Variants in ZDHHC18 observed in about 807,000 individuals in gnomAD.
ZDHHC18 encodes zDHHC palmitoyltransferase 18.
Under a neutral mutation model 37.5 loss-of-function variants are expected in ZDHHC18, and 23 were observed. That is an observed-to-expected ratio of 0.61 (90% confidence interval 0.44 to 0.87). The LOEUF (loss-of-function observed/expected upper bound fraction) is 0.87, where lower values mean the gene tolerates loss of function less well. Ranked by LOEUF, ZDHHC18 falls within the 40% of genes least tolerant of loss-of-function variation. The pLI, the probability that ZDHHC18 is intolerant of heterozygous loss-of-function variation, is 0.00. For synonymous variants in ZDHHC18, 185 were observed against 218.7 expected (o/e 0.85, Z 1.36); for missense variants, 406 against 525.6 (o/e 0.77, Z 2.22).
rs2081593095 is a variant in ZDHHC18 at position 26,832,552 on chromosome 1, T to C, written c.441T>C (p.Pro147=). Residue 147 remains proline (P), a synonymous_variant, in exon 2 of 8, where the codon CCT becomes CCC. Coordinates refer to ENST00000374142, the MANE Select transcript of ZDHHC18 (RefSeq NM_032283.3). ...TGCTGCAGACAAGCTTCACCGACCC[T>C]GGGATCCTGCCCCGGGCCACTGTCT... The part of the protein sequence containing the change: ...SCLLQTSFTD[P]GILPRATVCE... 6.2e-7 allele frequency: 1 copy of C among 1,614,192 alleles called. No homozygotes were observed. The highest frequency in any genetic ancestry group is 8.5e-7 in the Non-Finnish European group (1 of 1,180,020).
chr1:26,839,536 C>G (rs1470468136), intron 2 of ZDHHC18, among the ~76,000 whole-genome samples: 1 of 152,182 alleles, frequency 6.6e-6, no homozygotes, highest in Non-Finnish European at 1.5e-5. Flanking sequence ...AAAGAGTGAA[C>G]AAATGAGTGC....
chr1:26,847,548 A>G (rs1001197426), intron 2 of ZDHHC18, among the ~76,000 whole-genome samples: 2 of 152,180 alleles, frequency 1.3e-5, no homozygotes, highest in African/African-American at 4.8e-5. Context: ...AGATTTCCAC[A>G]GTTGCCCTCC....
At chr1:26,848,463 C>T (rs1358443024) in intron 2 of ZDHHC18, 145 bp from the exon 3 acceptor site, 1 of 1,085,724 alleles carries the variant, frequency 9.2e-7, no homozygotes, top group Non-Finnish European at 1.4e-6. Flanking sequence ...TTAGGCCAGA[C>T]ATTTTACTCC....
chr1:26,849,336 CA>C (rs1210650905), intron 3 of ZDHHC18, among the ~76,000 whole-genome samples: 3 of 152,130 alleles, frequency 2.0e-5, no homozygotes, highest in Non-Finnish European at 4.4e-5. Context: ...TTCTGATGGG[CA>C]CCCTGAGAGG....
At chr1:26,827,562 C>T (rs540342511) in intron 1 of ZDHHC18, among the ~76,000 whole-genome samples, 1 of 152,180 alleles carries the variant, frequency 6.6e-6, no homozygotes, top group Admixed American at 6.5e-5. Context: ...TGCCAACCCC[C>T]CAAGTTCTTT....
intron 6 of ZDHHC18, among the ~76,000 whole-genome samples, chr1:26,852,123 T>C (rs1283465820): frequency 1.3e-5 from 2 of 152,194 alleles, no homozygotes; most frequent in African/African-American, 4.8e-5. Context: ...CATCAGCCAG[T>C]ATCTCCCGCA....
Position 26,851,244 on chromosome 1 carries a change from G to A in ZDHHC18, c.936+13G>A, listed in dbSNP as rs1429119220. On this transcript the variant is annotated intron_variant, in intron 6 of 7. Transcript: ENST00000374142. Reference sequence around the variant, plus strand: ...TACTAATGAAGACGTGAGTAAACCTGGAGCCACCCCTCATTCTAGGGCAGC... The same window carrying A: ...TACTAATGAAGACGTGAGTAAACCTAGAGCCACCCCTCATTCTAGGGCAGC... 4 of 1,612,698 alleles carry A rather than the reference G, an allele frequency of 2.5e-6. No individual in the cohort carries two copies. The African/African-American group carries it at 5.3e-5, about 22-fold the overall frequency.
In ZDHHC18 at chr1:26,850,269, A is replaced by T; in HGVS notation, c.647-32A>T. On this transcript the variant is annotated intron_variant, in intron 3 of 7. Coordinates refer to ENST00000374142, the MANE Select transcript of ZDHHC18 (RefSeq NM_032283.3). This position sits in a 1 kb window ranked among gnomAD's most constrained non-coding sequence, Gnocchi z 6.1. ...GCCTGTGCTGGCTGCAGGCCAGCCC[A>T]CACTAACCCATCGCCCCTTGCCCTT... 6.2e-7 allele frequency: 1 copy of T among 1,610,354 alleles called. No individual in the cohort carries two copies. The highest frequency in any genetic ancestry group is 8.5e-7 in the Non-Finnish European group (1 of 1,178,394).
Position 26,852,814 on chromosome 1 carries a change from A to G in ZDHHC18, c.998A>G (p.Lys333Arg), listed in dbSNP as rs1345315293. Residue 333 changes from lysine (K) to arginine (R), a missense_variant, in exon 7 of 8, where the codon AAA (lysine) becomes AGA (arginine). Physicochemically the swap from Lys to Arg is conservative, Grantham distance 26. Transcript: ENST00000374142. ...GEASVNPYSH[K>R]SIITNCCAVL... is the part of the protein sequence containing the mutation. ...GCCTCTGTCAACCCCTACAGCCATA[A>G]AAGTATTATCACCAACTGCTGTGCT... The G allele has an allele frequency of 5.0e-6, 8 of 1,613,954 alleles. No homozygotes were observed. The African/African-American group carries it at 9.3e-5, about 19-fold the overall frequency.
In ZDHHC18 at chr1:26,827,143, A is replaced by G; in HGVS notation, c.335+4A>G. ...CCGGCCTCTTCTTCGTCTTTGAGTG[A>G]GTTCCGCTGCCTCGGCGCCCCCTCC... On this transcript the variant is annotated splice_donor_region_variant and intron_variant, in intron 1 of 7. Transcript: ENST00000374142. 1 of 1,401,664 alleles carries G rather than the reference A, an allele frequency of 7.1e-7. No homozygotes were observed. Among genetic ancestry groups the G allele is most frequent in the South Asian group, 1.5e-5 (1 of 65,958 alleles). The allele number at this position is 1,401,664 out of a possible 1,614,324, so 86.8% of individuals were successfully genotyped here.
In ZDHHC18 at chr1:26,852,764, G is replaced by T. The variant is rs149697541; in HGVS notation, c.948G>T (p.Ser316=). ...CTTCCTGCTTGCAGATCAAAGGCTC[G>T]TGGTCCAGCAAGAGGGGCGGTGAGG... is the stretch of plus-strand genomic sequence containing the variant. The part of the protein sequence containing the change: ...NLTTNEDIKG[S]WSSKRGGEAS... The change falls in exon 7 of 8, where the codon TCG becomes TCT. Residue 316 remains serine, a synonymous_variant. Transcript: ENST00000374142. 1 of 1,613,864 alleles carries T rather than the reference G, an allele frequency of 6.2e-7. No homozygotes were observed. The highest frequency in any genetic ancestry group is 1.3e-5 in the African/African-American group (1 of 74,896).
At position 26,852,811 on chromosome 1, in the gene ZDHHC18, A is replaced by C; in HGVS notation, c.995A>C (p.His332Pro). The C allele has an allele frequency of 6.2e-7, 1 of 1,614,098 alleles. No individual in the cohort carries two copies. Among genetic ancestry groups the C allele is most frequent in the Non-Finnish European group, 8.5e-7 (1 of 1,179,978 alleles). The change falls in exon 7 of 8, where the codon CAT (histidine) becomes CCT (proline). Residue 332 changes from histidine (H) to proline (P), a missense_variant. Physicochemically the swap from His to Pro is moderately conservative, Grantham distance 77. Transcript: ENST00000374142. ...GGEASVNPYS[H>P]KSIITNCCAV... ...GAGGCCTCTGTCAACCCCTACAGCCATAAAAGTATTATCACCAACTGCTGT... is the reference window on the plus strand; with the variant it reads ...GAGGCCTCTGTCAACCCCTACAGCCCTAAAAGTATTATCACCAACTGCTGT...
rs2081732044 is a variant in ZDHHC18 at position 26,855,968 on chromosome 1, C to T, written c.*2125C>T. 1 of 298,036 alleles carries T rather than the reference C, an allele frequency of 3.4e-6. No homozygotes were observed. The allele number at this position is 298,036 out of a possible 1,614,324, so 18.5% of individuals were successfully genotyped here. On this transcript the variant is annotated 3_prime_UTR_variant, in exon 8 of 8. Coordinates refer to ENST00000374142, the MANE Select transcript of ZDHHC18 (RefSeq NM_032283.3). ...CATCCTGTCCCCTCTTTGTCCCCTC[C>T]ACCTTCCCCTGCCTCAGGGGCTTGG... is the stretch of plus-strand genomic sequence containing the variant.
At chr1:26,848,552 A>G in intron 2 of ZDHHC18, 56 bp from the exon 3 acceptor site, 1 of 1,579,636 alleles carries the variant, frequency 6.3e-7, no homozygotes, top group Non-Finnish European at 8.7e-7. Flanking sequence ...CCTGCTGGGG[A>G]TCCGGGCCCT....
In ZDHHC18 at chr1:26,826,961, A is replaced by G. The variant is rs1002578197; in HGVS notation, c.157A>G (p.Ser53Gly). 77 of 1,208,198 alleles carry G rather than the reference A, an allele frequency of 6.4e-5. No homozygotes were observed. In the African/African-American group the frequency reaches 1.1e-3, roughly 18 times the overall value. 74.8% of individuals were successfully genotyped at this position (1,208,198 alleles called of 1,614,324 possible). ...PAPPRWSSSG[S>G]GSGSGSGSLG... ...CCCGCCGCGCTGGAGCAGCAGCGGC[A>G]GCGGCAGCGGCAGCGGGAGCGGGAG... is the stretch of plus-strand genomic sequence containing the variant. The change falls in exon 1 of 8, where the codon AGC becomes GGC. Residue 53 changes from serine to glycine, a missense_variant. Physicochemically the swap from Ser to Gly is moderately conservative, Grantham distance 56. Coordinates refer to ENST00000374142, the MANE Select transcript of ZDHHC18 (RefSeq NM_032283.3). The surrounding 1 kb of genome is among the most constrained non-coding windows in gnomAD (Gnocchi z 5.2).
chr1:26,831,267 G>A (rs1241209177), intron 1 of ZDHHC18, among the ~76,000 whole-genome samples: 1 of 152,122 alleles, frequency 6.6e-6, no homozygotes, highest in Non-Finnish European at 1.5e-5. Context: ...CCCTGAGGTA[G>A]GAGAGAGCCA....
Position 26,850,758 on chromosome 1 carries a change from G to T in ZDHHC18, c.833+152G>T. On this transcript the variant is annotated intron_variant, in intron 5 of 7. Transcript: ENST00000374142. The surrounding 1 kb of genome is among the most constrained non-coding windows in gnomAD (Gnocchi z 6.1). ...ATGCCAGCTCTTCTGTTCACACCCAGGCAAGAGCTGATCCTAAATGGGGCA... is the reference window on the plus strand; with the variant it reads ...ATGCCAGCTCTTCTGTTCACACCCATGCAAGAGCTGATCCTAAATGGGGCA... The T allele has an allele frequency of 1.0e-6, 1 of 959,138 alleles. No homozygotes were observed. The highest frequency in any genetic ancestry group is 1.6e-5 in the South Asian group (1 of 63,994). 59.4% of individuals were successfully genotyped at this position (959,138 alleles called of 1,614,324 possible).
intron 1 of ZDHHC18, among the ~76,000 whole-genome samples, chr1:26,830,560 T>C (rs1256558578): frequency 6.6e-6 from 1 of 151,726 alleles, no homozygotes; most frequent in African/African-American, 2.4e-5. Context: ...ATCTGTACTT[T>C]GGATGTTGCT....
intron 2 of ZDHHC18, among the ~76,000 whole-genome samples, chr1:26,839,976 A>ACT (rs2081630137): frequency 6.6e-6 from 1 of 152,066 alleles, no homozygotes; most frequent in South Asian, 2.1e-4. Context: ...CACCAGGTGG[A>ACT]CTCTTGCTCC....
Sources: gnomAD v4.1 joint callset for allele counts (sites outside exome capture counted in the v4.1 genomes callset) on GRCh38, gnomAD v4.1.1 for gene constraint, Gnocchi (gnomAD v3.1) non-coding constraint, MANE v1.5 for transcripts, NCBI Gene and HGNC (gene_info 2026-07-23, HGNC 2026-07-21) for gene names.